Variants in MYT1L observed in about 807,000 individuals in gnomAD.
MYT1L encodes myelin transcription factor 1 like, also known as myelin transcription factor 1-like protein.
Under a neutral mutation model 126.7 loss-of-function variants are expected in MYT1L, and 12 were observed. The observed-to-expected ratio is 0.09, with a 90% CI of 0.06 to 0.15. The LOEUF (loss-of-function observed/expected upper bound fraction) is 0.15. Ranked by LOEUF, MYT1L falls within the 10% of genes least tolerant of loss-of-function variation. The pLI is 1.00. For synonymous variants in MYT1L, 541 were observed against 604.2 expected (o/e 0.90, Z 1.53); for missense variants, 979 against 1,585.2 (o/e 0.62, Z 6.49).
chr2:2,071,776 G>A (rs1012103224), intron 3 of MYT1L, among the ~76,000 whole-genome samples: 2 of 152,122 alleles, frequency 1.3e-5, no homozygotes, highest in African/African-American at 4.8e-5. Flanking sequence ...TTGATAAGGG[G>A]AATGACGTCT....
At chr2:2,262,709 A>G (rs2095005914) in intron 2 of MYT1L, among the ~76,000 whole-genome samples, 1 of 149,816 alleles carries the variant, frequency 6.7e-6, no homozygotes, top group Non-Finnish European at 1.5e-5. Flanking sequence ...AAAAAAAAAA[A>G]TTATGATTCC....
intron 18 of MYT1L, among the ~76,000 whole-genome samples, chr2:1,865,030 C>G (rs187558751): frequency 1.2e-3 from 187 of 152,290 alleles, no homozygotes; most frequent in African/African-American, 4.4e-3. Flanking sequence ...GCTCTATGGG[C>G]CCCAGGGTGC....
chr2:1,992,017 G>A (rs1334567902), intron 5 of MYT1L, among the ~76,000 whole-genome samples: 1 of 152,122 alleles, frequency 6.6e-6, no homozygotes, highest in Non-Finnish European at 1.5e-5. Flanking sequence ...AGCACTCCTT[G>A]CTGCCTCTGT....
chr2:2,317,324 A>G (rs1435746177), intron 1 of MYT1L, among the ~76,000 whole-genome samples: 2 of 152,156 alleles, frequency 1.3e-5, no homozygotes, highest in African/African-American at 2.4e-5. Flanking sequence ...TCCTGCTGAT[A>G]GCATGACAGC....
chr2:1,795,012 C>T (rs1450431815), intron 23 of MYT1L, among the ~76,000 whole-genome samples: 2 of 152,204 alleles, frequency 1.3e-5, no homozygotes, highest in Non-Finnish European at 2.9e-5. Context: ...CCTCACCTCC[C>T]TCAAGTGCAT....
At chr2:2,040,570 A>C (rs1031884166) in intron 4 of MYT1L, among the ~76,000 whole-genome samples, 1 of 152,226 alleles carries the variant, frequency 6.6e-6, no homozygotes, top group South Asian at 2.1e-4. Flanking sequence ...AAAATTAATT[A>C]TAAGTAAATT....
chr2:1,888,215 T>C (rs1444998081), intron 16 of MYT1L, among the ~76,000 whole-genome samples: 2 of 152,098 alleles, frequency 1.3e-5, no homozygotes, highest in African/African-American at 4.8e-5. Flanking sequence ...TCTTCCATGA[T>C]GATCCAGGAT....
intron 3 of MYT1L, among the ~76,000 whole-genome samples, chr2:2,102,062 C>G (rs965383057): frequency 6.6e-6 from 1 of 152,196 alleles, no homozygotes; most frequent in Non-Finnish European, 1.5e-5. Flanking sequence ...CCTTCCTTAT[C>G]TCCACCATGG....
intron 2 of MYT1L, among the ~76,000 whole-genome samples, chr2:2,188,317 G>A (rs2092351105): frequency 6.6e-6 from 1 of 152,192 alleles, no homozygotes; most frequent in South Asian, 2.1e-4. Context: ...GCTATTTGGT[G>A]GGGTGCTATG....
In MYT1L at chr2:1,801,772, T is replaced by A. The variant is rs758905362; in HGVS notation, c.3200A>T (p.Gln1067Leu). The change falls in exon 23 of 25, where the codon CAG (glutamine) becomes CTG (leucine). Residue 1067 changes from glutamine to leucine, a missense_variant. Around this residue, in one of 12 missense-constraint regions of MYT1L, gnomAD observed 179 missense variants for 398.6 expected, o/e 0.45. Transcript: ENST00000647738. The surrounding 1 kb of genome is among the most constrained non-coding windows in gnomAD (Gnocchi z 4.2). ...NGIENDEEIK[Q>L]LDEEIKELNE... Reference sequence around the variant, plus strand: ...TAGCTCCTTGATTTCTTCATCTAACTGTTTGATTTCTTCATCATTTTCTAT... The same window carrying A: ...TAGCTCCTTGATTTCTTCATCTAACAGTTTGATTTCTTCATCATTTTCTAT... 4.4e-6 allele frequency: 7 copies of A among 1,609,116 alleles called. No homozygotes were observed. The highest frequency in any genetic ancestry group is 1.3e-5 in the African/African-American group (1 of 74,944).
chr2:1,930,001 C>T (rs2054737319), intron 9 of MYT1L, among the ~76,000 whole-genome samples: 1 of 152,216 alleles, frequency 6.6e-6, no homozygotes. Flanking sequence ...AGGCATTCAT[C>T]TGCTTCGAGT....
chr2:1,838,067 C>T (rs566580404), intron 21 of MYT1L, among the ~76,000 whole-genome samples: 29 of 152,054 alleles, frequency 1.9e-4, no homozygotes, highest in Non-Finnish European at 4.0e-4. Context: ...GCGTGCACCA[C>T]CACGCCCAGC....
At chr2:2,012,441 G>A (rs1239191700) in intron 4 of MYT1L, among the ~76,000 whole-genome samples, 6 of 152,196 alleles carry the variant, frequency 3.9e-5, no homozygotes, top group Non-Finnish European at 5.9e-5. Flanking sequence ...AGGTAGATTA[G>A]TGGCCACTTG....
chr2:2,183,948 GAAGA>G (rs1193806881), intron 2 of MYT1L, among the ~76,000 whole-genome samples: 3 of 145,984 alleles, frequency 2.1e-5, no homozygotes, highest in Non-Finnish European at 3.0e-5. Context: ...AGGAAGGAAG[GAAGA>G]AAGGGAGGGA....
intron 3 of MYT1L, among the ~76,000 whole-genome samples, chr2:2,115,928 T>C (rs1044716718): frequency 2.7e-5 from 4 of 150,178 alleles, no homozygotes; most frequent in Non-Finnish European, 4.4e-5. Context: ...TGCTGTGCAG[T>C]TGAGGAAGCT....
chr2:2,196,154 G>T (rs935281364), intron 2 of MYT1L, among the ~76,000 whole-genome samples: 2 of 151,940 alleles, frequency 1.3e-5, no homozygotes, highest in Non-Finnish European at 2.9e-5. Context: ...AATGCCAGCA[G>T]TTACTGACAG....
At chr2:2,072,558 AAC>A (rs1377525126) in intron 3 of MYT1L, among the ~76,000 whole-genome samples, 1 of 152,164 alleles carries the variant, frequency 6.6e-6, no homozygotes, top group African/African-American at 2.4e-5. Context: ...GCTTACAAAT[AAC>A]AGTTTATTTC....
intron 14 of MYT1L, among the ~76,000 whole-genome samples, chr2:1,897,637 A>G (rs1184355037): frequency 6.6e-6 from 1 of 151,926 alleles, no homozygotes; most frequent in African/African-American, 2.4e-5. Context: ...TAATTTTTGT[A>G]TTTTTAGTAG....
chr2:1,891,981 C>T (rs764142987), intron 15 of MYT1L, 56 bp downstream of exon 15: 1,021 of 1,453,464 alleles, frequency 7.0e-4, no homozygotes, highest in Non-Finnish European at 8.6e-4. Context: ...GTGGCTGGGT[C>T]CGCGGCCCGG....
Sources: allele counts gnomAD v4.1 joint callset (sites outside exome capture counted in the v4.1 genomes callset), GRCh38; gene constraint gnomAD v4.1.1; regional missense constraint gnomAD v4.1.1; non-coding constraint Gnocchi (gnomAD v3.1); transcripts MANE v1.5; gene names NCBI Gene and HGNC (gene_info 2026-07-23, HGNC 2026-07-21).